Variants in KCNH8 observed in about 807,000 individuals in gnomAD.
The protein encoded by KCNH8 is voltage-gated delayed rectifier potassium channel KCNH8.
Under a neutral mutation model 103.6 loss-of-function variants are expected in KCNH8, and 70 were observed. The ratio of observed to expected loss-of-function variants is 0.68; its 90% CI spans 0.56 to 0.82. The LOEUF is 0.82. Among genes scored for constraint, KCNH8 ranks in the 40% least tolerant of loss-of-function variants. The pLI is 0.00. For synonymous variants in KCNH8, 498 were observed against 489.4 expected, an observed-to-expected ratio of 1.02 and a Z score of -0.23; for missense variants, 1,217 against 1,329.9, an observed-to-expected ratio of 0.92 and a Z score of 1.32.
chr3:19,487,960 G>C (rs2068244582), intron 11 of KCNH8, among the ~76,000 whole-genome samples: 1 of 152,156 alleles, frequency 6.6e-6, no homozygotes, highest in South Asian at 2.1e-4. Flanking sequence ...CGGGTAAGGG[G>C]GTGACCGGGG....
At chr3:19,512,441 G>T (rs142209082) in intron 12 of KCNH8, among the ~76,000 whole-genome samples, 1 of 152,150 alleles carries the variant, frequency 6.6e-6, no homozygotes, top group African/African-American at 2.4e-5. Flanking sequence ...GAGTAGCTGA[G>T]AATACTTCTG....
rs187007159 is a variant in KCNH8 at position 19,211,380 on chromosome 3, A to T, written c.77-42274A>T. Among the ~76,000 whole-genome samples, 5 of 152,158 alleles carry T rather than the reference A, an allele frequency of 3.3e-5. No individual in the cohort carries two copies. In the South Asian group the frequency reaches 1.0e-3, roughly 31 times the overall value. On this transcript the variant is annotated intron_variant, in intron 1 of 15. Coordinates refer to ENST00000328405, the MANE Select transcript of KCNH8 (RefSeq NM_144633.3). The stretch of plus-strand genomic sequence containing the variant: ...ATAGTCAGGGCAGGCTTCATGGAAG[A>T]GGTGGGGCTGGAGGAAGCATTGAAA...
chr3:19,366,920 G>GT (rs1457518065), intron 5 of KCNH8, among the ~76,000 whole-genome samples: 12 of 152,068 alleles, frequency 7.9e-5, no homozygotes, highest in Non-Finnish European at 1.6e-4. Flanking sequence ...GTGTGTGGAT[G>GT]TAAGTCTTTA....
chr3:19,238,991 A>G (rs2064100277), intron 1 of KCNH8, among the ~76,000 whole-genome samples: 1 of 149,678 alleles, frequency 6.7e-6, no homozygotes, highest in African/African-American at 2.5e-5. Context: ...TACAGGACTA[A>G]CTAAGTAATT....
intron 3 of KCNH8, among the ~76,000 whole-genome samples, chr3:19,324,410 A>T (rs552588937): frequency 2.8e-4 from 42 of 152,258 alleles, no homozygotes; most frequent in African/African-American, 9.4e-4. Context: ...AAACCATCAG[A>T]TCTCATGAGA....
In KCNH8 at chr3:19,264,429, T is replaced by G. The variant is rs2064479232; in HGVS notation, c.310+10542T>G. 4.6e-5 allele frequency among the ~76,000 whole-genome samples: 7 copies of G among 152,266 alleles called. No individual in the cohort carries two copies. The South Asian group carries it at 1.4e-3, about 32-fold the overall frequency. On this transcript the variant is annotated intron_variant, in intron 2 of 15. Transcript: ENST00000328405. ...CCTATTCTTTTCCTATGGTCATGACTAAAGTTGAATTGCTTAATCAATGAG... is the reference window on the plus strand; with the variant it reads ...CCTATTCTTTTCCTATGGTCATGACGAAAGTTGAATTGCTTAATCAATGAG...
intron 1 of KCNH8, among the ~76,000 whole-genome samples, chr3:19,176,428 A>G (rs1256554742): frequency 6.6e-6 from 1 of 152,160 alleles, no homozygotes; most frequent in Admixed American, 6.5e-5. Flanking sequence ...TTACCGAGAC[A>G]GAAAGTGTTG....
chr3:19,310,752 G>T (rs924314164), intron 3 of KCNH8, among the ~76,000 whole-genome samples: 5 of 151,660 alleles, frequency 3.3e-5, no homozygotes, highest in African/African-American at 1.2e-4. Context: ...TCGTATAATG[G>T]TGCCTACAAA....
intron 1 of KCNH8, among the ~76,000 whole-genome samples, chr3:19,239,775 A>G (rs932365887): frequency 4.6e-5 from 7 of 152,146 alleles, no homozygotes; most frequent in African/African-American, 1.7e-4. Context: ...TAAATCATGC[A>G]TTTATAATAA....
At chr3:19,247,160 A>T (rs1374065229) in intron 1 of KCNH8, among the ~76,000 whole-genome samples, 1 of 152,358 alleles carries the variant, frequency 6.6e-6, no homozygotes, top group Non-Finnish European at 1.5e-5. Context: ...TACAAGGACT[A>T]TGAGAAATCT....
intron 11 of KCNH8, among the ~76,000 whole-genome samples, chr3:19,497,744 C>A (rs1417202995): frequency 6.6e-6 from 1 of 152,064 alleles, no homozygotes; most frequent in Non-Finnish European, 1.5e-5. Context: ...TTTGTAGATA[C>A]TTGACAGATC....
chr3:19,374,617 A>G (rs1363170572), intron 5 of KCNH8, among the ~76,000 whole-genome samples: 1 of 151,592 alleles, frequency 6.6e-6, no homozygotes, highest in East Asian at 1.9e-4. Context: ...TAAGGTTAAT[A>G]TTGTTATGTG....
intron 1 of KCNH8, among the ~76,000 whole-genome samples, chr3:19,209,147 G>T (rs1430659855): frequency 6.6e-6 from 1 of 151,836 alleles, no homozygotes; most frequent in Non-Finnish European, 1.5e-5. Context: ...AGCCATAAAG[G>T]AGTAAATAAA....
intron 1 of KCNH8, among the ~76,000 whole-genome samples, chr3:19,198,579 G>C (rs2063625380): frequency 6.6e-6 from 1 of 152,064 alleles, no homozygotes; most frequent in Non-Finnish European, 1.5e-5. Flanking sequence ...AGACTATTGT[G>C]ATTCTGTTTT....
chr3:19,362,872 A>G (rs1283904124), intron 5 of KCNH8, among the ~76,000 whole-genome samples: 1 of 151,984 alleles, frequency 6.6e-6, no homozygotes, highest in African/African-American at 2.4e-5. Flanking sequence ...TGCCTAGGCT[A>G]GTTTCCTGAG....
At chr3:19,498,460 G>A (rs570028675) in intron 11 of KCNH8, among the ~76,000 whole-genome samples, 13 of 152,114 alleles carry the variant, frequency 8.5e-5, no homozygotes, top group East Asian at 3.9e-4. Flanking sequence ...TTCCCTCAGC[G>A]CTGACTTGTC....
At chr3:19,407,643 T>G (rs2066713527) in intron 7 of KCNH8, among the ~76,000 whole-genome samples, 1 of 152,068 alleles carries the variant, frequency 6.6e-6, no homozygotes, top group Non-Finnish European at 1.5e-5. Context: ...TAGATAGTGG[T>G]GCAGTGAGAC....
At chr3:19,443,578 T>C (rs932506631) in intron 8 of KCNH8, among the ~76,000 whole-genome samples, 2 of 151,392 alleles carry the variant, frequency 1.3e-5, no homozygotes, top group Non-Finnish European at 3.0e-5. Context: ...AAACTATAAA[T>C]CAGAGAGATT....
At chr3:19,206,777 C>A (rs2063721060) in intron 1 of KCNH8, among the ~76,000 whole-genome samples, 1 of 151,854 alleles carries the variant, frequency 6.6e-6, no homozygotes, top group Non-Finnish European at 1.5e-5. Context: ...GGATGAATCA[C>A]CCAGGGGATG....
Sources: gnomAD v4.1 joint callset for allele counts (sites outside exome capture counted in the v4.1 genomes callset) on GRCh38, gnomAD v4.1.1 for gene constraint, MANE v1.5 for transcripts, NCBI Gene and HGNC (gene_info 2026-07-23, HGNC 2026-07-21) for gene names.